Variants in KIF18A observed in about 807,000 individuals in gnomAD.
The protein encoded by KIF18A is kinesin-like protein KIF18A.
A neutral mutation model predicts 103.3 loss-of-function variants in KIF18A; 67 were observed. That is an observed-to-expected ratio of 0.65 (90% CI 0.53 to 0.79). KIF18A has a LOEUF of 0.79. Among genes scored for constraint, KIF18A ranks in the 30% least tolerant of loss-of-function variants. KIF18A has a pLI of 0.00. For synonymous variants in KIF18A, 367 were observed against 355.5 expected (o/e 1.03, Z -0.36); for missense variants, 1,032 against 1,062.5 (o/e 0.97, Z 0.40).
chr11:28,023,303 G>A (rs1850269570), intron 16 of KIF18A, among the ~76,000 whole-genome samples: 1 of 152,128 alleles, frequency 6.6e-6, no homozygotes, highest in Non-Finnish European at 1.5e-5. Flanking sequence ...ACTAGATACA[G>A]ACTGGAATCT....
Position 28,104,944 on chromosome 11 carries a change from G to C in KIF18A, c.-47+3120C>G, listed in dbSNP as rs117599533. On this transcript the variant is annotated intron_variant, in intron 1 of 16. Coordinates refer to ENST00000263181, the MANE Select transcript of KIF18A (RefSeq NM_031217.4). ...AAGGGAAATATGAAGGTCTGAGTGA[G>C]AGACAGGTTTATTTTCCATTTCATA... 3.3e-3 allele frequency among the ~76,000 whole-genome samples: 506 copies of C among 152,264 alleles called. 1 individual carries two copies. Among genetic ancestry groups the C allele is most frequent in the Non-Finnish European group, 5.7e-3 (388 of 67,994 alleles).
intron 2 of KIF18A, 80 bp from the exon 3 acceptor site, chr11:28,094,880 A>G: frequency 1.5e-6 from 2 of 1,296,228 alleles, no homozygotes; most frequent in South Asian, 1.2e-5. Context: ...GGATAGTTCC[A>G]TCTGGATATC....
chr11:28,066,898 T>C (rs1485016671), intron 11 of KIF18A, among the ~76,000 whole-genome samples: 3 of 151,128 alleles, frequency 2.0e-5, no homozygotes, highest in Non-Finnish European at 4.4e-5. Flanking sequence ...TGGATATTGA[T>C]GTCTATGCTA....
At chr11:28,055,340 C>T (rs1850765682) in intron 13 of KIF18A, among the ~76,000 whole-genome samples, 1 of 152,134 alleles carries the variant, frequency 6.6e-6, no homozygotes, top group African/African-American at 2.4e-5. Context: ...TTTGAAGGCA[C>T]TGGATTATTA....
chr11:28,029,202 C>G (rs1162360061), intron 15 of KIF18A, among the ~76,000 whole-genome samples: 1 of 152,066 alleles, frequency 6.6e-6, no homozygotes, highest in Non-Finnish European at 1.5e-5. Context: ...ATCCTGATAC[C>G]AAAGCCTGGC....
chr11:28,078,656 G>A (rs569859313), intron 9 of KIF18A, among the ~76,000 whole-genome samples: 2 of 152,114 alleles, frequency 1.3e-5, no homozygotes, highest in Admixed American at 6.5e-5. Flanking sequence ...AATTTTCTTG[G>A]TATAGTCATA....
Position 28,082,982 on chromosome 11 carries a change from A to C in KIF18A, c.1150-14T>G. The C allele has an allele frequency of 6.6e-7, 1 of 1,515,578 alleles. No homozygotes were observed. The highest frequency in any genetic ancestry group is 9.0e-7 in the Non-Finnish European group (1 of 1,112,086). The allele number at this position is 1,515,578 out of a possible 1,614,324, so 93.9% of individuals were successfully genotyped here. A position where few individuals can be genotyped will look rare whatever the true frequency, so the allele number is the denominator to read the frequency against. On this transcript the variant is annotated splice_polypyrimidine_tract_variant and intron_variant, in intron 8 of 16. Transcript: ENST00000263181. ...TAACAATAAAATCTAGTAGAGAGAA[A>C]TCACTAGTTAAAATACAAAAGAAGT...
intron 2 of KIF18A, chr11:28,097,395 C>A: frequency 2.1e-6 from 1 of 483,030 alleles, no homozygotes; most frequent in Non-Finnish European, 3.7e-6. Flanking sequence ...TCTATAGGGG[C>A]CACAGTAAGG....
chr11:28,076,868 A>G, intron 10 of KIF18A, 139 bp downstream of exon 10: 2 of 423,730 alleles, frequency 4.7e-6, no homozygotes, highest in Non-Finnish European at 7.9e-6. Flanking sequence ...CGGAAGGCAG[A>G]GGTTGCAGTG....
chr11:28,021,153 T>C lies in KIF18A; in HGVS notation c.*47A>G, dbSNP rs774820306. The stretch of plus-strand genomic sequence containing the variant: ...TTTTTGAAAGGGTATTGATAAACTT[T>C]GAAAAGCAGATTTGATCAACTTCAT... On this transcript the variant is annotated 3_prime_UTR_variant, in exon 17 of 17. Transcript: ENST00000263181. 2.8e-6 allele frequency: 4 copies of C among 1,437,710 alleles called. No individual in the cohort carries two copies. The South Asian group carries it at 5.8e-5, about 21-fold the overall frequency. The allele number at this position is 1,437,710 out of a possible 1,614,324, so 89.1% of individuals were successfully genotyped here. A position where few individuals can be genotyped will look rare whatever the true frequency, so the allele number is the denominator to read the frequency against.
At chr11:28,084,459 T>C (rs1217927310) in intron 7 of KIF18A, 173 bp downstream of exon 7, 2 of 295,718 alleles carry the variant, frequency 6.8e-6, no homozygotes, top group Non-Finnish European at 1.2e-5. Flanking sequence ...AGATGCTTTA[T>C]GGTTTAACCG....
intron 13 of KIF18A, among the ~76,000 whole-genome samples, chr11:28,045,879 T>C (rs10835265): frequency 0.36 from 53,137 of 147,222 alleles, 10,286 homozygotes; most frequent in African/African-American, 0.57. Flanking sequence ...AAAAAGTGGG[T>C]GAAGGACATG....
chr11:28,101,375 A>C (rs1454693813), intron 1 of KIF18A, among the ~76,000 whole-genome samples: 1 of 152,236 alleles, frequency 6.6e-6, no homozygotes, highest in African/African-American at 2.4e-5. Context: ...AACATAAAAT[A>C]CTAAGTGATT....
intron 13 of KIF18A, among the ~76,000 whole-genome samples, chr11:28,050,380 A>C (rs1022376694): frequency 6.6e-6 from 1 of 151,884 alleles, no homozygotes; most frequent in African/African-American, 2.4e-5. Flanking sequence ...AAAAATATGG[A>C]AGATTTGGTT....
chr11:28,084,904 G>C, intron 6 of KIF18A, 96 bp from the exon 7 acceptor site: 1 of 874,820 alleles, frequency 1.1e-6, no homozygotes, highest in East Asian at 2.5e-5. Flanking sequence ...GGATTACCTA[G>C]GTGCCGAGGC....
At chr11:28,077,297 C>A in intron 9 of KIF18A, 128 bp from the exon 10 acceptor site, 1 of 564,470 alleles carries the variant, frequency 1.8e-6, no homozygotes, top group Non-Finnish European at 3.0e-6. Flanking sequence ...TGATAAACAG[C>A]AAATAGGTAA....
intron 9 of KIF18A, among the ~76,000 whole-genome samples, chr11:28,080,886 T>TA (rs1164179352): frequency 1.3e-5 from 2 of 152,142 alleles, no homozygotes; most frequent in African/African-American, 2.4e-5. Flanking sequence ...TGAAGGAAAT[T>TA]AAAAGTGCTA....
intron 13 of KIF18A, among the ~76,000 whole-genome samples, chr11:28,041,294 A>ATTGTCTTT (rs1850556795): frequency 6.6e-6 from 1 of 151,840 alleles, no homozygotes; most frequent in African/African-American, 2.4e-5. Context: ...AGGATGTTTT[A>ATTGTCTTT]ACTATGATGG....
chr11:28,098,042 T>C (rs775655957), intron 1 of KIF18A, 49 bp from the exon 2 acceptor site: 3 of 965,450 alleles, frequency 3.1e-6, no homozygotes, highest in Non-Finnish European at 4.6e-6. Context: ...TTTACTTTCA[T>C]GCAAAACAAC....
Sources: allele counts gnomAD v4.1 joint callset (sites outside exome capture counted in the v4.1 genomes callset), GRCh38; gene constraint gnomAD v4.1.1; transcripts MANE v1.5; gene names NCBI Gene and HGNC (gene_info 2026-07-23, HGNC 2026-07-21).